DNAJC15: variants seen among roughly 807,000 people sequenced by gnomAD.
DNAJC15 encodes the protein DnaJ heat shock protein family (Hsp40) member C15, also known as dnaJ homolog subfamily C member 15.
Under a neutral mutation model 22.4 loss-of-function variants are expected in DNAJC15, and 27 were observed. The ratio of observed to expected loss-of-function variants is 1.20; its 90% CI spans 0.89 to 1.66. DNAJC15 has a LOEUF of 1.66. Among genes scored for constraint, DNAJC15 ranks in the 40% most tolerant of loss-of-function variants. The pLI is 0.00. For synonymous variants in DNAJC15, 79 were observed against 63.2 expected, an observed-to-expected ratio of 1.25 and a Z score of -1.19; for missense variants, 208 against 187.1, an observed-to-expected ratio of 1.11 and a Z score of -0.65.
At chr13:43,086,285 GC>G (rs1566214050) in intron 5 of DNAJC15, among the ~76,000 whole-genome samples, 1 of 152,188 alleles carries the variant, frequency 6.6e-6, no homozygotes, top group East Asian at 1.9e-4. Flanking sequence ...AGGCTCTGAG[GC>G]TGAGCCATTT....
chr13:43,072,605 G>C (rs1399070002), intron 3 of DNAJC15, among the ~76,000 whole-genome samples: 1 of 148,144 alleles, frequency 6.8e-6, no homozygotes, highest in African/African-American at 2.5e-5. Flanking sequence ...TTTGGAGACA[G>C]AGCCTAGTAG....
rs2040802433 is a variant in DNAJC15 at position 43,107,366 on chromosome 13, A to G, written c.*118A>G. The G allele has an allele frequency of 5.8e-6, 4 of 694,478 alleles. No individual in the cohort carries two copies. The highest frequency in any genetic ancestry group is 5.7e-5 in the African/African-American group (3 of 53,076). The allele number at this position is 694,478 out of a possible 1,614,324, so 43.0% of individuals were successfully genotyped here. On this transcript the variant is annotated 3_prime_UTR_variant, in exon 6 of 6. Coordinates refer to ENST00000379221, the MANE Select transcript of DNAJC15 (RefSeq NM_013238.3). Reference sequence around the variant, plus strand: ...TTCTATATGGATTGACCACAGTCTTATCTTCCACCATTAAGCTGTATAACA... The same window carrying G: ...TTCTATATGGATTGACCACAGTCTTGTCTTCCACCATTAAGCTGTATAACA...
intron 1 of DNAJC15, among the ~76,000 whole-genome samples, chr13:43,062,587 TTA>T (rs1048235777): frequency 2.6e-5 from 4 of 152,258 alleles, no homozygotes; most frequent in Non-Finnish European, 4.4e-5. Context: ...TAATGTTTTC[TTA>T]TATACAAAAC....
chr13:43,069,778 T>G (rs1034836795), intron 3 of DNAJC15, among the ~76,000 whole-genome samples: 2 of 152,176 alleles, frequency 1.3e-5, no homozygotes, highest in African/African-American at 4.8e-5. Context: ...TATTCTGAGT[T>G]CCTGGCACAG....
At chr13:43,034,896 T>A (rs1336715417) in intron 1 of DNAJC15, among the ~76,000 whole-genome samples, 2 of 152,162 alleles carry the variant, frequency 1.3e-5, no homozygotes, top group African/African-American at 4.8e-5. Flanking sequence ...CAGGCATTTC[T>A]CCAATGAGTT....
At chr13:43,079,900 A>C (rs1286144761) in intron 4 of DNAJC15, among the ~76,000 whole-genome samples, 2 of 152,230 alleles carry the variant, frequency 1.3e-5, no homozygotes, top group East Asian at 3.8e-4. Context: ...GATTAAGAGC[A>C]CAGACTCTGG....
At chr13:43,030,913 G>C (rs1034754247) in intron 1 of DNAJC15, among the ~76,000 whole-genome samples, 3 of 152,228 alleles carry the variant, frequency 2.0e-5, no homozygotes, top group African/African-American at 7.2e-5. Flanking sequence ...GATTTCGTAG[G>C]AATGAGCCAT....
At chr13:43,033,996 C>T (rs529819979) in intron 1 of DNAJC15, among the ~76,000 whole-genome samples, 16 of 147,052 alleles carry the variant, frequency 1.1e-4, no homozygotes, top group African/African-American at 4.1e-4. Flanking sequence ...TTATTGCGCT[C>T]CAGCCTGGGC....
intron 5 of DNAJC15, among the ~76,000 whole-genome samples, chr13:43,098,970 T>C (rs1044163490): frequency 4.6e-5 from 7 of 152,330 alleles, no homozygotes; most frequent in Non-Finnish European, 4.4e-5. Context: ...ATTAAATCTG[T>C]AAATTAGAAT....
At chr13:43,099,443 C>T (rs1395623168) in intron 5 of DNAJC15, among the ~76,000 whole-genome samples, 1 of 152,188 alleles carries the variant, frequency 6.6e-6, no homozygotes, top group Non-Finnish European at 1.5e-5. Context: ...TAAGAACAGA[C>T]ATCCTTGTCT....
At chr13:43,098,013 A>C (rs755126938) in intron 5 of DNAJC15, among the ~76,000 whole-genome samples, 3 of 152,202 alleles carry the variant, frequency 2.0e-5, no homozygotes, top group Non-Finnish European at 2.9e-5. Context: ...GGTAAGAAAA[A>C]ATGAGGAAAG....
chr13:43,024,846 A>G (rs1227250877), intron 1 of DNAJC15, among the ~76,000 whole-genome samples: 1 of 144,966 alleles, frequency 6.9e-6, no homozygotes, highest in Non-Finnish European at 1.5e-5. Context: ...ACTTGAGGCC[A>G]TGAGTTTGGA....
intron 1 of DNAJC15, among the ~76,000 whole-genome samples, chr13:43,055,820 A>G (rs1017253880): frequency 6.6e-6 from 1 of 151,756 alleles, no homozygotes; most frequent in Non-Finnish European, 1.5e-5. Flanking sequence ...GTGACCTTAC[A>G]TTGTCTATTT....
intron 5 of DNAJC15, among the ~76,000 whole-genome samples, chr13:43,095,531 T>C (rs1038148752): frequency 6.6e-6 from 1 of 152,124 alleles, no homozygotes; most frequent in Admixed American, 6.5e-5. Context: ...CAATATAAGA[T>C]GGTGTTGAAA....
At chr13:43,065,985 A>C (rs1034046545) in intron 2 of DNAJC15, among the ~76,000 whole-genome samples, 6 of 151,966 alleles carry the variant, frequency 3.9e-5, no homozygotes, top group African/African-American at 1.5e-4. Context: ...TATTCCTGGC[A>C]TTTTTTTTCA....
chr13:43,093,793 C>T (rs1566216022), intron 5 of DNAJC15, among the ~76,000 whole-genome samples: 1 of 152,102 alleles, frequency 6.6e-6, no homozygotes, highest in African/African-American at 2.4e-5. Flanking sequence ...GTATAGATAA[C>T]ATAATCTTTA....
intron 1 of DNAJC15, among the ~76,000 whole-genome samples, chr13:43,054,662 T>C (rs1167978722): frequency 6.6e-6 from 1 of 152,214 alleles, no homozygotes; most frequent in African/African-American, 2.4e-5. Flanking sequence ...AATTTATCCA[T>C]CTCCTCTAGG....
intron 3 of DNAJC15, among the ~76,000 whole-genome samples, chr13:43,070,665 C>G (rs1465006396): frequency 6.6e-6 from 1 of 152,032 alleles, no homozygotes; most frequent in African/African-American, 2.4e-5. Flanking sequence ...CTGCAAAGGT[C>G]CTGAGGTGCA....
At chr13:43,043,303 T>A (rs1337793898) in intron 1 of DNAJC15, among the ~76,000 whole-genome samples, 2 of 152,118 alleles carry the variant, frequency 1.3e-5, no homozygotes, top group African/African-American at 4.8e-5. Context: ...AGACGGGGTT[T>A]CACCATGTTG....
Sources: allele counts gnomAD v4.1 joint callset (sites outside exome capture counted in the v4.1 genomes callset), GRCh38; gene constraint gnomAD v4.1.1; transcripts MANE v1.5; gene names NCBI Gene and HGNC (gene_info 2026-07-23, HGNC 2026-07-21).